The following KSR1 variants were observed in gnomAD, a reference collection of about 807,000 sequenced individuals.
KSR1 encodes kinase suppressor of ras 1, also known as kinase suppressor of ras.
KSR1 carries 35 observed loss-of-function variants against 92.9 expected under a neutral mutation model. The ratio of observed to expected loss-of-function variants is 0.38; its 90% CI spans 0.29 to 0.50. The LOEUF (loss-of-function observed/expected upper bound fraction) is 0.50. KSR1 is among the 20% of genes least tolerant of loss of function. KSR1 has a pLI of 0.94. For synonymous variants in KSR1, 467 were observed against 472.6 expected (o/e 0.99, Z 0.15); for missense variants, 972 against 1,158.5 (o/e 0.84, Z 2.34).
intron 10 of KSR1, among the ~76,000 whole-genome samples, chr17:27,600,861 G>C (rs960704597): frequency 3.9e-5 from 6 of 152,180 alleles, no homozygotes; most frequent in Admixed American, 6.5e-5. Context: ...CAGAATTGAG[G>C]TTGGAACATG....
chr17:27,597,520 G>A, intron 10 of KSR1, 84 bp downstream of exon 10: 2 of 1,385,344 alleles, frequency 1.4e-6, no homozygotes, highest in South Asian at 2.8e-5. Flanking sequence ...CAGATTCAAG[G>A]TCAGACATGG....
At chr17:27,595,403 T>C (rs1228466692) in intron 9 of KSR1, among the ~76,000 whole-genome samples, 1 of 152,258 alleles carries the variant, frequency 6.6e-6, no homozygotes, top group East Asian at 1.9e-4. Context: ...ACCTTTGTGA[T>C]GCTACTGATC....
At chr17:27,494,721 A>C (rs2068927953) in intron 1 of KSR1, among the ~76,000 whole-genome samples, 1 of 152,242 alleles carries the variant, frequency 6.6e-6, no homozygotes, top group Admixed American at 6.5e-5. Context: ...AAAAATCTTG[A>C]TGGAGCTGTT....
chr17:27,465,407 A>G (rs1890819862), intron 1 of KSR1: 1 of 152,164 alleles, frequency 6.6e-6, no homozygotes, highest in Non-Finnish European at 1.5e-5. Context: ...AAGGCCGGGC[A>G]CAGTGTCTTA....
intron 18 of KSR1, among the ~76,000 whole-genome samples, chr17:27,615,994 G>C (rs2074043440): frequency 6.6e-6 from 1 of 152,110 alleles, no homozygotes; most frequent in Admixed American, 6.5e-5. Context: ...AACCATTTGT[G>C]GATGCCTATC....
chr17:27,609,085 T>C, intron 15 of KSR1, 111 bp from the exon 16 acceptor site: 3 of 1,258,344 alleles, frequency 2.4e-6, no homozygotes, highest in Non-Finnish European at 3.3e-6. Context: ...GGGGACAATA[T>C]ACTGCATGGA....
chr17:27,509,137 C>G (rs2150997503), intron 1 of KSR1, among the ~76,000 whole-genome samples: 1 of 152,292 alleles, frequency 6.6e-6, no homozygotes, highest in East Asian at 1.9e-4. Flanking sequence ...AAGGAAAGAA[C>G]AGTTTCCTAC....
intron 1 of KSR1, among the ~76,000 whole-genome samples, chr17:27,461,356 C>A (rs971548138): frequency 2.6e-5 from 4 of 152,216 alleles, no homozygotes; most frequent in Admixed American, 2.6e-4. Context: ...GCTGGGATTA[C>A]AAGTGTGAGC....
intron 1 of KSR1, among the ~76,000 whole-genome samples, chr17:27,507,824 G>A (rs140858576): frequency 2.0e-5 from 3 of 152,056 alleles, no homozygotes; most frequent in Non-Finnish European, 4.4e-5. Context: ...ATCCACCTGC[G>A]TCAGCGTCCC....
At chr17:27,465,333 T>C (rs1477511124) in intron 1 of KSR1, 3 of 152,150 alleles carry the variant, frequency 2.0e-5, no homozygotes, top group Non-Finnish European at 4.4e-5. Flanking sequence ...TGCTTGCCAT[T>C]TTTCTTCCCC....
In KSR1 at chr17:27,623,652, C is replaced by T. The variant is rs1859629045; in HGVS notation, c.*260C>T. 2 of 602,638 alleles carry T rather than the reference C, an allele frequency of 3.3e-6. No homozygotes were observed. The highest frequency in any genetic ancestry group is 1.9e-5 in the African/African-American group (1 of 53,708). 37.3% of individuals were successfully genotyped at this position (602,638 alleles called of 1,614,324 possible). ...ACACGTATATTTCTCCTGAGTGAACCTGATGTTTTACAATAGGTAATAATA... is the reference window on the plus strand; with the variant it reads ...ACACGTATATTTCTCCTGAGTGAACTTGATGTTTTACAATAGGTAATAATA... On this transcript the variant is annotated 3_prime_UTR_variant, in exon 21 of 21. Coordinates refer to ENST00000644974, the MANE Select transcript of KSR1 (RefSeq NM_001394583.1).
chr17:27,623,722 G>A lies in KSR1; in HGVS notation c.*330G>A, dbSNP rs77690609. ...CACTGGCACTGACGGCCAGGATGGC[G>A]GAAATGGCCATCCCCTCTGAGGACC... On this transcript the variant is annotated 3_prime_UTR_variant, in exon 21 of 21. Coordinates refer to ENST00000644974, the MANE Select transcript of KSR1 (RefSeq NM_001394583.1). The A allele has an allele frequency of 2.9e-3, 1,631 of 567,948 alleles. 45 individuals carry two copies. In the East Asian group the frequency reaches 0.044, roughly 15 times the overall value. The allele number at this position is 567,948 out of a possible 1,614,324, so 35.2% of individuals were successfully genotyped here.
intron 1 of KSR1, among the ~76,000 whole-genome samples, chr17:27,519,767 T>C (rs140115113): frequency 6.6e-6 from 1 of 152,336 alleles, no homozygotes; most frequent in East Asian, 1.9e-4. Flanking sequence ...TGGGACGGGT[T>C]GTGGTGAGGG....
chr17:27,543,756 C>G (rs1567809680), intron 1 of KSR1, among the ~76,000 whole-genome samples: 1 of 152,186 alleles, frequency 6.6e-6, no homozygotes, highest in Non-Finnish European at 1.5e-5. Flanking sequence ...GTCACATCCT[C>G]TGGTGCTGAG....
At chr17:27,585,765 G>C (rs540916417) in intron 5 of KSR1, 104 bp downstream of exon 5, 1 of 718,494 alleles carries the variant, frequency 1.4e-6, no homozygotes, top group South Asian at 1.5e-5. Context: ...AGCCCGTTCA[G>C]CCTCTCCATA....
rs535989714 is a variant in KSR1 at position 27,505,685 on chromosome 17, T to C, written c.232-44883T>C. ...TTATTGTGCGTCTTAAATAAGTTAGTGTAATTACCATAGGCAGAATGCTTA... is the reference window on the plus strand; with the variant it reads ...TTATTGTGCGTCTTAAATAAGTTAGCGTAATTACCATAGGCAGAATGCTTA... On this transcript the variant is annotated intron_variant, in intron 1 of 20. Coordinates refer to ENST00000644974, the MANE Select transcript of KSR1 (RefSeq NM_001394583.1). 3.9e-5 allele frequency among the ~76,000 whole-genome samples: 6 copies of C among 152,340 alleles called. No homozygotes were observed. In the East Asian group the frequency reaches 9.7e-4, roughly 25 times the overall value.
intron 2 of KSR1, among the ~76,000 whole-genome samples, chr17:27,551,578 TC>T (rs918650998): frequency 6.6e-6 from 1 of 151,750 alleles, no homozygotes; most frequent in African/African-American, 2.4e-5. Flanking sequence ...TTCCTTCCTC[TC>T]CCCAATATGG....
At chr17:27,547,561 G>C (rs1018557824) in intron 1 of KSR1, among the ~76,000 whole-genome samples, 9 of 152,064 alleles carry the variant, frequency 5.9e-5, no homozygotes, top group African/African-American at 2.2e-4. Context: ...ATGCACTGTT[G>C]GATGTTTAAT....
Position 27,561,370 on chromosome 17 carries a change from G to A in KSR1, c.372+10662G>A, listed in dbSNP as rs73983470. On this transcript the variant is annotated intron_variant, in intron 2 of 20. Coordinates refer to ENST00000644974, the MANE Select transcript of KSR1 (RefSeq NM_001394583.1). ...TTTCTTCTTTCCTTTACATTCACTC[G>A]TTACTCATATGCACCCATTGATCAC... Among the ~76,000 whole-genome samples, 468 of 152,142 alleles carry A rather than the reference G, an allele frequency of 3.1e-3. 3 individuals are homozygous for A. Among genetic ancestry groups the A allele is most frequent in the African/African-American group, 1.0e-2 (414 of 41,492 alleles).
Sources: allele counts gnomAD v4.1 joint callset (sites outside exome capture counted in the v4.1 genomes callset), GRCh38; gene constraint gnomAD v4.1.1; transcripts MANE v1.5; gene names NCBI Gene and HGNC (gene_info 2026-07-23, HGNC 2026-07-21).